The following ARL15 variants were observed in gnomAD, a reference collection of about 807,000 sequenced individuals.
ARL15 encodes ARF like GTPase 15.
In ARL15, 19 loss-of-function variants were observed where a neutral mutation model predicts 25.2. The ratio of observed to expected loss-of-function variants is 0.75; its 90% CI spans 0.53 to 1.10. ARL15 has a LOEUF of 1.10. Among genes scored for constraint, ARL15 ranks in the 50% least tolerant of loss-of-function variants. The probability of loss-of-function intolerance (pLI) is 0.00; values close to 1 mark genes in which losing one functional copy is unlikely to be tolerated. For synonymous variants in ARL15, 94 were observed against 86.8 expected (o/e 1.08, Z -0.46); for missense variants, 220 against 246.0 (o/e 0.89, Z 0.71).
At chr5:54,053,263 A>C (rs1431243246) in intron 4 of ARL15, among the ~76,000 whole-genome samples, 1 of 152,150 alleles carries the variant, frequency 6.6e-6, no homozygotes, top group Non-Finnish European at 1.5e-5. Context: ...AACAAACAAA[A>C]AACAAAGTAT....
At chr5:53,890,969 G>A (rs767213462) in intron 4 of ARL15, among the ~76,000 whole-genome samples, 3 of 152,102 alleles carry the variant, frequency 2.0e-5, no homozygotes, top group Admixed American at 6.5e-5. Flanking sequence ...GATCTCTAAC[G>A]GGGCAGTGAT....
rs542675277 is a variant in ARL15 at position 54,235,409 on chromosome 5, G to A, written c.49-63481C>T. 1.1e-4 allele frequency among the ~76,000 whole-genome samples: 17 copies of A among 152,096 alleles called. No homozygotes were observed. The East Asian group carries it at 3.1e-3, about 28-fold the overall frequency. ...AAAATGTAGTCACAGAATAACGGGTGGCATGATCTAATTTATGTTTTAAAA... is the reference window on the plus strand; with the variant it reads ...AAAATGTAGTCACAGAATAACGGGTAGCATGATCTAATTTATGTTTTAAAA... On this transcript the variant is annotated intron_variant, in intron 1 of 4. Transcript: ENST00000504924.
intron 4 of ARL15, among the ~76,000 whole-genome samples, chr5:53,925,498 T>C (rs952528651): frequency 3.9e-5 from 6 of 152,174 alleles, no homozygotes; most frequent in Non-Finnish European, 8.8e-5. Context: ...TGCCTGGCCT[T>C]TCATACATTA....
chr5:54,180,912 G>T (rs1194450151), intron 1 of ARL15, among the ~76,000 whole-genome samples: 1 of 152,214 alleles, frequency 6.6e-6, no homozygotes, highest in African/African-American at 2.4e-5. Context: ...GCAGACATCT[G>T]AGACTTTGAA....
chr5:53,919,914 G>A (rs569286483), intron 4 of ARL15, among the ~76,000 whole-genome samples: 18 of 152,326 alleles, frequency 1.2e-4, no homozygotes, highest in African/African-American at 4.3e-4. Flanking sequence ...CGACGAGTCA[G>A]TAAATGTCTT....
intron 4 of ARL15, among the ~76,000 whole-genome samples, chr5:54,084,006 T>C (rs1405903778): frequency 1.3e-5 from 2 of 152,124 alleles, no homozygotes; most frequent in East Asian, 1.9e-4. Flanking sequence ...ACTGCCAGCG[T>C]TTATTCCATA....
chr5:53,888,774 G>GA (rs1744624327), intron 4 of ARL15, among the ~76,000 whole-genome samples: 1 of 152,102 alleles, frequency 6.6e-6, no homozygotes, highest in African/African-American at 2.4e-5. Context: ...GCCAATAGGG[G>GA]AAAAAAGAGT....
intron 1 of ARL15, among the ~76,000 whole-genome samples, chr5:54,177,896 C>G (rs895507485): frequency 2.0e-5 from 3 of 152,190 alleles, no homozygotes; most frequent in Non-Finnish European, 4.4e-5. Context: ...TCAATTCCCT[C>G]AGAGAGAAAT....
At chr5:54,285,194 C>G (rs1758154310) in intron 1 of ARL15, 1 of 184,402 alleles carries the variant, frequency 5.4e-6, no homozygotes, top group Admixed American at 6.5e-5. Context: ...TGAATCTCAT[C>G]TTCTTTGCTG....
At chr5:53,887,481 TACTG>T (rs1744569840) in intron 4 of ARL15, 1 of 660,918 alleles carries the variant, frequency 1.5e-6, no homozygotes, top group African/African-American at 1.8e-5. Flanking sequence ...TTGGCCAGCA[TACTG>T]ACTAACGGCA....
intron 1 of ARL15, among the ~76,000 whole-genome samples, chr5:54,192,774 A>G (rs1317289666): frequency 6.6e-6 from 1 of 152,152 alleles, no homozygotes; most frequent in African/African-American, 2.4e-5. Context: ...AGTGTCATGA[A>G]AGTAAGAAAA....
intron 1 of ARL15, among the ~76,000 whole-genome samples, chr5:54,249,555 C>T (rs948612168): frequency 3.3e-5 from 5 of 150,992 alleles, no homozygotes; most frequent in South Asian, 2.1e-4. Context: ...TAACAATATA[C>T]AGAAACACTT....
intron 4 of ARL15, among the ~76,000 whole-genome samples, chr5:54,070,526 C>G (rs1032428748): frequency 6.6e-6 from 1 of 152,178 alleles, no homozygotes; most frequent in South Asian, 2.1e-4. Context: ...CTTGGGCTTC[C>G]CAGCCTCCAG....
intron 4 of ARL15, among the ~76,000 whole-genome samples, chr5:54,109,586 T>TC (rs1465899842): frequency 1.3e-5 from 2 of 151,984 alleles, no homozygotes; most frequent in East Asian, 3.8e-4. Context: ...CCTGATCTAT[T>TC]AAATAACTTC....
chr5:54,128,996 G>A (rs183790657), intron 3 of ARL15, among the ~76,000 whole-genome samples: 41 of 152,128 alleles, frequency 2.7e-4, no homozygotes, highest in Admixed American at 1.4e-3. Flanking sequence ...GGGCCACGGC[G>A]CCTGGCCTTA....
chr5:53,918,673 A>G (rs1168021920), intron 4 of ARL15, among the ~76,000 whole-genome samples: 1 of 152,186 alleles, frequency 6.6e-6, no homozygotes, highest in Non-Finnish European at 1.5e-5. Context: ...ACAAATAGAG[A>G]CTGCACACTA....
intron 3 of ARL15, among the ~76,000 whole-genome samples, chr5:54,145,131 A>T (rs960857322): frequency 2.0e-5 from 3 of 152,164 alleles, no homozygotes; most frequent in African/African-American, 7.2e-5. Flanking sequence ...ATATAAAGAC[A>T]TATATAACAA....
At chr5:54,023,344 T>G (rs2111850219) in intron 4 of ARL15, among the ~76,000 whole-genome samples, 1 of 151,988 alleles carries the variant, frequency 6.6e-6, no homozygotes, top group African/African-American at 2.4e-5. Flanking sequence ...ATAAACAAAG[T>G]TCAAATAACC....
intron 4 of ARL15, among the ~76,000 whole-genome samples, chr5:54,057,551 T>C (rs1315929433): frequency 1.3e-5 from 2 of 152,216 alleles, no homozygotes; most frequent in Non-Finnish European, 2.9e-5. Flanking sequence ...TATAGCACCA[T>C]TTAAAGCATA....
Sources: gnomAD v4.1 joint callset for allele counts (sites outside exome capture counted in the v4.1 genomes callset) on GRCh38, gnomAD v4.1.1 for gene constraint, MANE v1.5 for transcripts, NCBI Gene and HGNC (gene_info 2026-07-23, HGNC 2026-07-21) for gene names.